The following ZBBX variants were observed in gnomAD, a reference collection of about 807,000 sequenced individuals.
ZBBX encodes the protein zinc finger B-box domain containing, also known as zinc finger B-box domain-containing protein 1.
A neutral mutation model predicts 108.5 loss-of-function variants in ZBBX; 101 were observed. That is an observed-to-expected ratio of 0.93 (90% CI 0.79 to 1.10). The LOEUF (loss-of-function observed/expected upper bound fraction) is 1.10. Among genes scored for constraint, ZBBX ranks in the 50% least tolerant of loss-of-function variants. ZBBX has a pLI of 0.00. For missense variants in ZBBX, 1,009 were observed against 941.4 expected, an observed-to-expected ratio of 1.07 and a Z score of -0.94; for synonymous variants, 356 against 323.4, an observed-to-expected ratio of 1.10 and a Z score of -1.08.
chr3:167,371,002 A>C (rs545690200), intron 4 of ZBBX, among the ~76,000 whole-genome samples: 20 of 152,242 alleles, frequency 1.3e-4, no homozygotes, highest in Non-Finnish European at 2.8e-4. Flanking sequence ...GGTCAGGAGG[A>C]CTGGAAGAAC....
intron 19 of ZBBX, among the ~76,000 whole-genome samples, chr3:167,283,155 G>A (rs568932651): frequency 1.3e-5 from 2 of 152,052 alleles, no homozygotes; most frequent in Non-Finnish European, 2.9e-5. Context: ...TAGGACAGTC[G>A]CTACTTTGTC....
At chr3:167,277,355 T>C (rs1047073359) in intron 20 of ZBBX, among the ~76,000 whole-genome samples, 6 of 152,176 alleles carry the variant, frequency 3.9e-5, no homozygotes, top group South Asian at 2.1e-4. Flanking sequence ...AGGAAGCCCA[T>C]CTCACGTGCA....
At position 167,324,240 on chromosome 3, in the gene ZBBX, G is replaced by C. The variant is rs1736975608; in HGVS notation, c.863-2003C>G. Reference sequence around the variant, plus strand: ...GCTCACTGTAACTTTGAAATTCTGAGCTCAGGTAATTGTTGACCCTCAGCC... The same window carrying C: ...GCTCACTGTAACTTTGAAATTCTGACCTCAGGTAATTGTTGACCCTCAGCC... On this transcript the variant is annotated intron_variant, in intron 11 of 21. Transcript: ENST00000675490. Among the ~76,000 whole-genome samples the C allele has an allele frequency of 3.3e-5, 5 of 152,106 alleles. No individual in the cohort carries two copies. In the South Asian group the frequency reaches 1.0e-3, roughly 32 times the overall value.
At position 167,372,136 on chromosome 3, in the gene ZBBX, G is replaced by A. The variant is rs570737763; in HGVS notation, c.68+698C>T. On this transcript the variant is annotated intron_variant, in intron 4 of 21. Coordinates refer to ENST00000675490, the MANE Select transcript of ZBBX (RefSeq NM_001199201.2). ...TGAGGCAGGAGAATTGCCTGAGGCCGGGAGGTGGAGGTTGCAGTGAGCCGA... is the reference window on the plus strand; with the variant it reads ...TGAGGCAGGAGAATTGCCTGAGGCCAGGAGGTGGAGGTTGCAGTGAGCCGA... 3.7e-3 allele frequency among the ~76,000 whole-genome samples: 566 copies of A among 152,252 alleles called. 3 individuals carry two copies. The highest frequency in any genetic ancestry group is 4.1e-3 in the Non-Finnish European group (278 of 68,020).
intron 10 of ZBBX, among the ~76,000 whole-genome samples, chr3:167,329,776 G>A (rs2108372346): frequency 6.6e-6 from 1 of 152,240 alleles, no homozygotes; most frequent in Middle Eastern, 3.4e-3. Context: ...GAATATCAAG[G>A]GCTCTGCCTG....
chr3:167,206,719 A>G, the ZBBX span, among the ~76,000 whole-genome samples: 1 of 152,120 alleles, frequency 6.6e-6, no homozygotes. Flanking sequence ...TGGAGGCATC[A>G]CATTTTCTGA....
the ZBBX span, among the ~76,000 whole-genome samples, chr3:167,187,197 G>T: frequency 6.6e-6 from 1 of 152,104 alleles, no homozygotes; most frequent in Non-Finnish European, 1.5e-5. Context: ...TTAAAATGAA[G>T]AATTCTTGTT....
intron 20 of ZBBX, among the ~76,000 whole-genome samples, chr3:167,245,541 C>A (rs1247026700): frequency 6.6e-6 from 1 of 152,114 alleles, no homozygotes; most frequent in Non-Finnish European, 1.5e-5. Context: ...TGTCCCCACC[C>A]AAATCTCATG....
the ZBBX span, among the ~76,000 whole-genome samples, chr3:167,212,781 C>A: frequency 6.6e-6 from 1 of 152,218 alleles, no homozygotes; most frequent in South Asian, 2.1e-4. Flanking sequence ...GGAAGAGGAA[C>A]CCACAATTTC....
At chr3:167,274,696 C>A (rs1008100658) in intron 20 of ZBBX, among the ~76,000 whole-genome samples, 9 of 152,128 alleles carry the variant, frequency 5.9e-5, no homozygotes, top group African/African-American at 2.2e-4. Context: ...TTACCTGTAC[C>A]CATCGTTCCC....
chr3:167,184,562 G>C, the ZBBX span, among the ~76,000 whole-genome samples: 2 of 152,124 alleles, frequency 1.3e-5, no homozygotes, highest in African/African-American at 2.4e-5. Flanking sequence ...ATAATGGATG[G>C]GCTCAAGGAA....
chr3:167,179,934 C>G, the ZBBX span, among the ~76,000 whole-genome samples: 1 of 152,134 alleles, frequency 6.6e-6, no homozygotes, highest in Non-Finnish European at 1.5e-5. Flanking sequence ...TAAAGGCTTG[C>G]GGTATTTTTG....
the ZBBX span, among the ~76,000 whole-genome samples, chr3:167,190,173 G>A: frequency 1.3e-5 from 2 of 151,942 alleles, no homozygotes; most frequent in African/African-American, 2.4e-5. Context: ...TATGCATAAT[G>A]TCTAGATAGT....
intron 4 of ZBBX, chr3:167,368,775 T>C: frequency 1.6e-6 from 2 of 1,212,680 alleles, no homozygotes; most frequent in East Asian, 3.9e-5. Context: ...TCTCTTCAAA[T>C]CTTAGACTTT....
chr3:167,274,130 A>C (rs1727045835), intron 20 of ZBBX, among the ~76,000 whole-genome samples: 1 of 152,188 alleles, frequency 6.6e-6, no homozygotes, highest in Non-Finnish European at 1.5e-5. Flanking sequence ...CCCAAACAAT[A>C]CTGCCCCCGA....
At position 167,281,095 on chromosome 3, in the gene ZBBX, G is replaced by A. The variant is rs554212333; in HGVS notation, c.2254+1143C>T. 2.0e-4 allele frequency among the ~76,000 whole-genome samples: 31 copies of A among 152,240 alleles called. No homozygotes were observed. The South Asian group carries it at 3.3e-3, about 16-fold the overall frequency. ...CAGGAAGGGGAACATCACACTCTGCGGACTGTTGTGGGGTGGGGGTAGGGG... is the reference window on the plus strand; with the variant it reads ...CAGGAAGGGGAACATCACACTCTGCAGACTGTTGTGGGGTGGGGGTAGGGG... On this transcript the variant is annotated intron_variant, in intron 20 of 21. Coordinates refer to ENST00000675490, the MANE Select transcript of ZBBX (RefSeq NM_001199201.2).
At chr3:167,288,736 T>C (rs1730151705) in intron 19 of ZBBX, 131 bp downstream of exon 19, 2 of 462,888 alleles carry the variant, frequency 4.3e-6, no homozygotes, top group Middle Eastern at 3.0e-4. Flanking sequence ...GGACATTTAG[T>C]TAAAATGAAT....
At chr3:167,236,473 T>C (rs530068052), downstream of ZBBX, among the ~76,000 whole-genome samples, 125 of 151,970 alleles carry the variant, frequency 8.2e-4, no homozygotes, top group Admixed American at 1.7e-3. Context: ...TTACTTCATT[T>C]GATTTTCAAC....
At chr3:167,403,348 C>T (rs768636349) in intron 1 of ZBBX, among the ~76,000 whole-genome samples, 4 of 152,082 alleles carry the variant, frequency 2.6e-5, no homozygotes, top group Non-Finnish European at 4.4e-5. Context: ...AGGTAAAATA[C>T]ATACTTTTTC....
Sources: gnomAD v4.1 joint callset for allele counts (sites outside exome capture counted in the v4.1 genomes callset) on GRCh38, gnomAD v4.1.1 for gene constraint, MANE v1.5 for transcripts, NCBI Gene and HGNC (gene_info 2026-07-23, HGNC 2026-07-21) for gene names.